The following STK39 variants were observed in gnomAD, a reference collection of about 807,000 sequenced individuals.
STK39 encodes serine/threonine kinase 39, also known as STE20/SPS1-related proline-alanine-rich protein kinase.
In STK39, 20 loss-of-function variants were observed where a neutral mutation model predicts 77.8. That is an observed-to-expected ratio of 0.26 (90% confidence interval 0.18 to 0.37). STK39 has a LOEUF of 0.37. STK39 is among the 10% of genes least tolerant of loss of function. STK39 has a pLI of 1.00. For synonymous variants in STK39, 246 were observed against 234.1 expected (o/e 1.05, Z -0.47); for missense variants, 479 against 656.5 (o/e 0.73, Z 2.95).
At chr2:168,152,219 A>T (rs1405339097) in intron 5 of STK39, among the ~76,000 whole-genome samples, 1 of 152,212 alleles carries the variant, frequency 6.6e-6, no homozygotes, top group Non-Finnish European at 1.5e-5. Flanking sequence ...TTCCCACACC[A>T]CATATCCATT....
At chr2:168,105,459 AG>A (rs1394249223) in intron 10 of STK39, among the ~76,000 whole-genome samples, 3 of 152,244 alleles carry the variant, frequency 2.0e-5, no homozygotes, top group Non-Finnish European at 4.4e-5. Context: ...CCCTTGTTTC[AG>A]GGGGCCCACT....
At chr2:168,218,697 C>T (rs149790096) in intron 1 of STK39, among the ~76,000 whole-genome samples, 1 of 152,294 alleles carries the variant, frequency 6.6e-6, no homozygotes, top group East Asian at 1.9e-4. Context: ...AGAATACACT[C>T]CTCCTCCACC....
At chr2:168,016,616 C>T (rs1232815558) in intron 15 of STK39, among the ~76,000 whole-genome samples, 1 of 152,122 alleles carries the variant, frequency 6.6e-6, no homozygotes, top group Non-Finnish European at 1.5e-5. Flanking sequence ...TTTTAGTAAA[C>T]ACTCCCCAAT....
intron 10 of STK39, among the ~76,000 whole-genome samples, chr2:168,128,079 T>C (rs1200171635): frequency 1.3e-5 from 2 of 151,884 alleles, no homozygotes; most frequent in Non-Finnish European, 2.9e-5. Context: ...GGAGCTGGAG[T>C]GTGAGGCCAA....
chr2:168,086,035 G>T (rs1327895824), intron 10 of STK39, among the ~76,000 whole-genome samples: 1 of 152,194 alleles, frequency 6.6e-6, no homozygotes, highest in Non-Finnish European at 1.5e-5. Flanking sequence ...TGAACAGCCT[G>T]AATCCCTGAC....
rs149340495 is a variant in STK39, at chr2:168,158,682, G to A, written c.628+3105C>T. 8.6e-3 allele frequency among the ~76,000 whole-genome samples: 1,305 copies of A among 152,276 alleles called. 12 individuals are homozygous for A. Among genetic ancestry groups the A allele is most frequent in the Middle Eastern group, 0.017 (5 of 294 alleles). On this transcript the variant is annotated intron_variant, in intron 5 of 17. Coordinates refer to ENST00000355999, the MANE Select transcript of STK39 (RefSeq NM_013233.3). ...TGGCTACACCGCTTATTCTACGTGT[G>A]ACCTGGGCAACTGACTTCCCCACTG...
At chr2:168,061,738 T>G (rs1175297519) in intron 14 of STK39, among the ~76,000 whole-genome samples, 1 of 152,196 alleles carries the variant, frequency 6.6e-6, no homozygotes, top group African/African-American at 2.4e-5. Flanking sequence ...TCTTATAGTA[T>G]TTTGTCTAAG....
chr2:168,094,175 G>A (rs1466715586), intron 10 of STK39, among the ~76,000 whole-genome samples: 2 of 152,150 alleles, frequency 1.3e-5, no homozygotes, highest in African/African-American at 4.8e-5. Context: ...CCCCTGATCT[G>A]TGGGGACCAC....
At chr2:168,185,046 G>A (rs1689173878) in intron 1 of STK39, among the ~76,000 whole-genome samples, 1 of 152,174 alleles carries the variant, frequency 6.6e-6, no homozygotes, top group African/African-American at 2.4e-5. Context: ...GTAAATACAG[G>A]AACTGGACAA....
chr2:167,958,490 C>T (rs1403085321), intron 17 of STK39, among the ~76,000 whole-genome samples: 1 of 152,032 alleles, frequency 6.6e-6, no homozygotes, highest in African/African-American at 2.4e-5. Flanking sequence ...TTCCCCTACC[C>T]ACTGCAAGAA....
At chr2:168,204,062 G>A (rs1375319887) in intron 1 of STK39, among the ~76,000 whole-genome samples, 7 of 152,334 alleles carry the variant, frequency 4.6e-5, no homozygotes, top group African/African-American at 7.2e-5. Flanking sequence ...TTGAAGAATG[G>A]ATATGTGTTC....
At chr2:168,008,792 G>A (rs928595681) in intron 16 of STK39, among the ~76,000 whole-genome samples, 4 of 152,142 alleles carry the variant, frequency 2.6e-5, no homozygotes, top group African/African-American at 9.7e-5. Flanking sequence ...AACTAGGAGA[G>A]GGTGGAGACT....
intron 7 of STK39, among the ~76,000 whole-genome samples, chr2:168,138,753 G>A (rs947440193): frequency 6.6e-6 from 1 of 152,186 alleles, no homozygotes; most frequent in Non-Finnish European, 1.5e-5. Context: ...GCTTGGCAAA[G>A]CTGAGAGAGC....
In STK39 at chr2:167,954,505, G is replaced by C. The variant is rs1198569622; in HGVS notation, c.*991C>G. On this transcript the variant is annotated 3_prime_UTR_variant, in exon 18 of 18. Coordinates refer to ENST00000355999, the MANE Select transcript of STK39 (RefSeq NM_013233.3). The stretch of plus-strand genomic sequence containing the variant: ...GATATTTTCAAGTTTATCACCTTTA[G>C]AATAACAAATCCTATCACTTAAGGA... 1.3e-5 allele frequency: 2 copies of C among 152,530 alleles called. No individual in the cohort carries two copies. Among genetic ancestry groups the C allele is most frequent in the African/African-American group, 4.8e-5 (2 of 41,410 alleles). 9.4% of individuals were successfully genotyped at this position (152,530 alleles called of 1,614,324 possible).
intron 17 of STK39, among the ~76,000 whole-genome samples, chr2:167,958,682 A>G (rs1039007261): frequency 6.6e-6 from 1 of 152,230 alleles, no homozygotes; most frequent in African/African-American, 2.4e-5. Context: ...GTATTTTGAT[A>G]GCTTTTCCAA....
intron 1 of STK39, among the ~76,000 whole-genome samples, chr2:168,209,836 T>G (rs887317182): frequency 2.6e-5 from 4 of 151,948 alleles, no homozygotes; most frequent in African/African-American, 7.2e-5. Flanking sequence ...CAGTCTCTAT[T>G]AAAAATACAA....
intron 10 of STK39, among the ~76,000 whole-genome samples, chr2:168,114,202 G>A (rs1474066457): frequency 6.6e-6 from 1 of 152,190 alleles, no homozygotes; most frequent in Non-Finnish European, 1.5e-5. Flanking sequence ...TAAAGCATGA[G>A]GTTGTAGCTG....
chr2:168,134,955 C>T (rs1687793385), intron 8 of STK39, among the ~76,000 whole-genome samples: 2 of 152,184 alleles, frequency 1.3e-5, no homozygotes, highest in African/African-American at 4.8e-5. Flanking sequence ...TGCATTCACT[C>T]TTCAACCTAC....
chr2:168,231,194 C>T (rs980756727), intron 1 of STK39, among the ~76,000 whole-genome samples: 1 of 152,174 alleles, frequency 6.6e-6, no homozygotes, highest in Non-Finnish European at 1.5e-5. Context: ...AGGTTACATA[C>T]TTATTCCAAT....
Sources: allele counts gnomAD v4.1 joint callset (sites outside exome capture counted in the v4.1 genomes callset), GRCh38; gene constraint gnomAD v4.1.1; transcripts MANE v1.5; gene names NCBI Gene and HGNC (gene_info 2026-07-23, HGNC 2026-07-21).